R3HCC1L: variants seen among roughly 807,000 people sequenced by gnomAD.
R3HCC1L encodes R3H domain and coiled-coil containing 1 like.
A neutral mutation model predicts 59.9 loss-of-function variants in R3HCC1L; 51 were observed. The ratio of observed to expected loss-of-function variants is 0.85; its 90% CI spans 0.68 to 1.07. R3HCC1L has a LOEUF of 1.07. Ranked by LOEUF, R3HCC1L falls within the 50% of genes least tolerant of loss-of-function variation. The pLI is 0.00. For missense variants in R3HCC1L, 965 were observed against 933.0 expected (o/e 1.03, Z -0.45); for synonymous variants, 322 against 315.2 (o/e 1.02, Z -0.23).
intron 1 of R3HCC1L, among the ~76,000 whole-genome samples, chr10:98,148,685 T>A (rs1158134960): frequency 6.6e-6 from 1 of 152,238 alleles, no homozygotes; most frequent in African/African-American, 2.4e-5. Context: ...ATGTGTCATG[T>A]TTATTGATTT....
chr10:98,219,464 G>T (rs542098990), intron 5 of R3HCC1L, among the ~76,000 whole-genome samples: 31 of 152,224 alleles, frequency 2.0e-4, no homozygotes, highest in Non-Finnish European at 3.8e-4. Context: ...GATAGGTAAG[G>T]ACTTATTCCT....
chr10:98,184,170 G>A (rs1308545841), intron 4 of R3HCC1L, among the ~76,000 whole-genome samples: 1 of 151,848 alleles, frequency 6.6e-6, no homozygotes, highest in Non-Finnish European at 1.5e-5. Flanking sequence ...GTTTAGGGTA[G>A]GATTTAGTTT....
At chr10:98,226,020 G>A (rs1218430371) in intron 5 of R3HCC1L, among the ~76,000 whole-genome samples, 3 of 151,952 alleles carry the variant, frequency 2.0e-5, no homozygotes, top group Non-Finnish European at 2.9e-5. Context: ...CTAATGTTTT[G>A]TATTTTTTGT....
At chr10:98,148,868 A>T (rs1007816070) in intron 1 of R3HCC1L, among the ~76,000 whole-genome samples, 4 of 152,164 alleles carry the variant, frequency 2.6e-5, no homozygotes, top group African/African-American at 9.7e-5. Flanking sequence ...TTTTGGAATC[A>T]GGGTAATGCT....
At chr10:98,197,400 G>T (rs529501386) in intron 4 of R3HCC1L, among the ~76,000 whole-genome samples, 1 of 152,286 alleles carries the variant, frequency 6.6e-6, no homozygotes, top group East Asian at 1.9e-4. Context: ...ACTCCTCAGT[G>T]TGGTCTTCCT....
chr10:98,234,580 A>G, intron 7 of R3HCC1L, 64 bp downstream of exon 7: 13 of 1,506,698 alleles, frequency 8.6e-6, no homozygotes, highest in South Asian at 3.5e-5. Flanking sequence ...TACTTTTTCT[A>G]TTTCCCTTCT....
chr10:98,211,331 G>A (rs868121767), intron 5 of R3HCC1L: 14 of 1,532,718 alleles, frequency 9.1e-6, no homozygotes, highest in Middle Eastern at 3.3e-4. Context: ...CATAAAGCCC[G>A]AGAACCACTG....
chr10:98,193,442 C>G (rs186669544), intron 4 of R3HCC1L, among the ~76,000 whole-genome samples: 1 of 151,966 alleles, frequency 6.6e-6, no homozygotes. Context: ...GATACAAAAT[C>G]AACTCTCCAA....
chr10:98,173,125 A>G (rs1026683607), intron 4 of R3HCC1L, among the ~76,000 whole-genome samples: 6 of 152,324 alleles, frequency 3.9e-5, no homozygotes, highest in Admixed American at 3.9e-4. Context: ...TGGTGCTAAT[A>G]TGAAAGGAAA....
At chr10:98,182,270 G>T (rs1849713228) in intron 4 of R3HCC1L, among the ~76,000 whole-genome samples, 1 of 152,142 alleles carries the variant, frequency 6.6e-6, no homozygotes, top group Admixed American at 6.5e-5. Context: ...CTTCTAACAG[G>T]TCACTCAGCT....
intron 9 of R3HCC1L, among the ~76,000 whole-genome samples, chr10:98,239,189 C>G (rs930636312): frequency 6.6e-6 from 1 of 152,080 alleles, no homozygotes; most frequent in Non-Finnish European, 1.5e-5. Context: ...TTTACAAATT[C>G]AGGATATGAT....
intron 4 of R3HCC1L, among the ~76,000 whole-genome samples, chr10:98,207,518 G>A (rs1314068335): frequency 6.6e-6 from 1 of 151,992 alleles, no homozygotes. Context: ...TGACTAAATG[G>A]TATTAATAGA....
chr10:98,220,373 T>TC (rs958944104), intron 5 of R3HCC1L, among the ~76,000 whole-genome samples: 6 of 148,912 alleles, frequency 4.0e-5, no homozygotes, highest in Admixed American at 4.0e-4. Context: ...TCTTTTTCTT[T>TC]TTTTTTTCCC....
At chr10:98,186,458 T>C (rs1302125006) in intron 4 of R3HCC1L, 66 of 943,622 alleles carry the variant, frequency 7.0e-5, no homozygotes, top group Non-Finnish European at 8.3e-5. Flanking sequence ...ATTTCCTTGT[T>C]TTTTCCAGAT....
At chr10:98,135,385 T>A (rs1193257041) in intron 1 of R3HCC1L, among the ~76,000 whole-genome samples, 1 of 152,154 alleles carries the variant, frequency 6.6e-6, no homozygotes, top group Non-Finnish European at 1.5e-5. Context: ...GCAGCCTCGG[T>A]TTCGTTGTCT....
intron 7 of R3HCC1L, 116 bp from the exon 8 acceptor site, chr10:98,235,309 T>C: frequency 1.2e-6 from 1 of 850,710 alleles, no homozygotes; most frequent in Admixed American, 2.6e-5. Context: ...GATCTGTCTC[T>C]TTTGCTTGCT....
intron 2 of R3HCC1L, among the ~76,000 whole-genome samples, chr10:98,161,257 G>T (rs1229375538): frequency 1.3e-5 from 2 of 152,034 alleles, no homozygotes; most frequent in African/African-American, 4.8e-5. Flanking sequence ...TAGTTTTAAT[G>T]TTTGTTTCTC....
chr10:98,164,562 G>A (rs529121667), intron 4 of R3HCC1L, among the ~76,000 whole-genome samples: 54 of 152,196 alleles, frequency 3.5e-4, no homozygotes, highest in African/African-American at 1.2e-3. Flanking sequence ...TGTCTTATTA[G>A]GAGTATTATT....
intron 4 of R3HCC1L, among the ~76,000 whole-genome samples, chr10:98,198,662 T>G (rs1564680554): frequency 6.6e-6 from 1 of 152,156 alleles, no homozygotes; most frequent in African/African-American, 2.4e-5. Context: ...GAATAGACTT[T>G]ACTTCTTTGG....
Sources: allele counts gnomAD v4.1 joint callset (sites outside exome capture counted in the v4.1 genomes callset), GRCh38; gene constraint gnomAD v4.1.1; transcripts MANE v1.5; gene names NCBI Gene and HGNC (gene_info 2026-07-23, HGNC 2026-07-21).